The following TAFA2 variants were observed in gnomAD, a reference collection of about 807,000 sequenced individuals.
The protein encoded by TAFA2 is chemokine-like protein TAFA-2.
TAFA2 carries 7 observed loss-of-function variants against 18.8 expected under a neutral mutation model. That is an observed-to-expected ratio of 0.37 (90% CI 0.21 to 0.70). The LOEUF is 0.70. TAFA2 is among the 30% of genes least tolerant of loss of function. TAFA2 has a pLI of 0.53. For missense variants in TAFA2, 122 were observed against 158.1 expected (o/e 0.77, Z 1.23); for synonymous variants, 60 against 54.2 (o/e 1.11, Z -0.47).
chr12:62,179,252 A>C (rs2062535806), intron 1 of TAFA2, among the ~76,000 whole-genome samples: 1 of 152,202 alleles, frequency 6.6e-6, no homozygotes, highest in South Asian at 2.1e-4. Flanking sequence ...ATTATGACAC[A>C]TTCCTCAACC....
At chr12:62,006,171 G>A (rs1227119355) in intron 1 of TAFA2, among the ~76,000 whole-genome samples, 3 of 152,088 alleles carry the variant, frequency 2.0e-5, no homozygotes, top group African/African-American at 7.2e-5. Context: ...TTTCCATTTT[G>A]ATGATACTTT....
At chr12:61,850,327 G>C (rs551134326) in intron 2 of TAFA2, among the ~76,000 whole-genome samples, 1 of 151,710 alleles carries the variant, frequency 6.6e-6, no homozygotes, top group Non-Finnish European at 1.5e-5. Flanking sequence ...CCTTTAAGGG[G>C]ATGATCAGTC....
chr12:62,028,854 C>T (rs979202002), intron 1 of TAFA2, among the ~76,000 whole-genome samples: 2 of 152,130 alleles, frequency 1.3e-5, no homozygotes, highest in African/African-American at 2.4e-5. Context: ...AAACTATAGT[C>T]CAAACTACTT....
chr12:61,893,636 A>G (rs1405419815), intron 1 of TAFA2, among the ~76,000 whole-genome samples: 1 of 152,192 alleles, frequency 6.6e-6, no homozygotes, highest in African/African-American at 2.4e-5. Context: ...GAAAGAACAT[A>G]GTGAATATGA....
Position 61,997,167 on chromosome 12 carries a change from A to ATGTGTGTGTGTGTG in TAFA2, c.-1-129755_-1-129742dup, listed in dbSNP as rs35419865. Among the ~76,000 whole-genome samples, 1,328 of 145,500 alleles carry ATGTGTGTGTGTGTG rather than the reference A, an allele frequency of 9.1e-3. 22 individuals carry two copies. The highest frequency in any genetic ancestry group is 0.051 in the East Asian group (249 of 4,908). On this transcript the variant is annotated intron_variant, in intron 1 of 4. Transcript: ENST00000416284. ...GATACATACTAGACTATATGTATATATGTGTGTGTGTGTGTGTGTGTGTGT... is the reference window on the plus strand; with the variant it reads ...GATACATACTAGACTATATGTATATATGTGTGTGTGTGTGTGTGTGTGTGTGTGTGTGTGTGTGT...
In TAFA2 at chr12:61,930,654, A is replaced by G. The variant is rs112300563; in HGVS notation, c.-1-63228T>C. 1.1e-4 allele frequency among the ~76,000 whole-genome samples: 17 copies of G among 152,336 alleles called. 1 individual carries two copies. Among genetic ancestry groups the G allele is most frequent in the African/African-American group, 4.1e-4 (17 of 41,570 alleles). On this transcript the variant is annotated intron_variant, in intron 1 of 4. Coordinates refer to ENST00000416284, the MANE Select transcript of TAFA2 (RefSeq NM_178539.5). ...TCCATTTAATAGAGCAACCATTTATATATTACTTTAGGACATTAGACTCGG... is the reference window on the plus strand; with the variant it reads ...TCCATTTAATAGAGCAACCATTTATGTATTACTTTAGGACATTAGACTCGG...
rs75890695 is a variant in TAFA2, at chr12:61,915,917, C to G, written c.-1-48491G>C. On this transcript the variant is annotated intron_variant, in intron 1 of 4. Transcript: ENST00000416284. Reference sequence around the variant, plus strand: ...TTCCAGAAACAGCCTCACAGACATACCCAGAAACAATGTTTTACCAACTAG... The same window carrying G: ...TTCCAGAAACAGCCTCACAGACATAGCCAGAAACAATGTTTTACCAACTAG... 1.0e-2 allele frequency among the ~76,000 whole-genome samples: 1,517 copies of G among 152,264 alleles called. 40 individuals are homozygous for G. Among genetic ancestry groups the G allele is most frequent in the African/African-American group, 0.034 (1,428 of 41,540 alleles).
intron 1 of TAFA2, among the ~76,000 whole-genome samples, chr12:62,018,125 G>C (rs2136724124): frequency 6.6e-6 from 1 of 152,294 alleles, no homozygotes; most frequent in South Asian, 2.1e-4. Context: ...TGCAGTAAAT[G>C]AGTACTGAGC....
At chr12:62,215,882 T>C (rs759997455) in intron 1 of TAFA2, among the ~76,000 whole-genome samples, 21 of 152,060 alleles carry the variant, frequency 1.4e-4, no homozygotes, top group Non-Finnish European at 2.5e-4. Context: ...ATGGTTGTCA[T>C]GAGCATCAAA....
At chr12:62,089,358 C>G (rs1868610358) in intron 1 of TAFA2, among the ~76,000 whole-genome samples, 1 of 151,978 alleles carries the variant, frequency 6.6e-6, no homozygotes, top group African/African-American at 2.4e-5. Context: ...AATTTTCAGG[C>G]TATTTTAAGC....
intron 1 of TAFA2, among the ~76,000 whole-genome samples, chr12:62,020,315 T>G (rs931737852): frequency 6.6e-6 from 1 of 152,168 alleles, no homozygotes. Flanking sequence ...GAATATGCCC[T>G]CATTACAGCC....
intron 1 of TAFA2, among the ~76,000 whole-genome samples, chr12:62,166,283 G>T (rs535865523): frequency 6.6e-6 from 1 of 152,194 alleles, no homozygotes; most frequent in South Asian, 2.1e-4. Context: ...TGGCAATTTG[G>T]TATAACAATT....
intron 1 of TAFA2, among the ~76,000 whole-genome samples, chr12:62,047,127 T>C (rs574071714): frequency 1.3e-5 from 2 of 152,244 alleles, no homozygotes; most frequent in African/African-American, 2.4e-5. Flanking sequence ...ACAAGTGTAC[T>C]GATTTAATAA....
At chr12:62,019,348 T>A (rs950338046) in intron 1 of TAFA2, among the ~76,000 whole-genome samples, 3 of 151,094 alleles carry the variant, frequency 2.0e-5, no homozygotes, top group Non-Finnish European at 4.4e-5. Flanking sequence ...GGATTATAAA[T>A]CACGCTGCTA....
At chr12:61,782,352 T>A (rs1356316194) in intron 2 of TAFA2, among the ~76,000 whole-genome samples, 2 of 151,766 alleles carry the variant, frequency 1.3e-5, no homozygotes, top group African/African-American at 4.8e-5. Flanking sequence ...AAAATCTTGG[T>A]CCCCACAACC....
chr12:61,719,390 C>T (rs535942685), intron 4 of TAFA2, among the ~76,000 whole-genome samples: 1 of 152,170 alleles, frequency 6.6e-6, no homozygotes, highest in African/African-American at 2.4e-5. Context: ...GTTGTAGAAC[C>T]TAATATGGGT....
intron 1 of TAFA2, among the ~76,000 whole-genome samples, chr12:62,072,098 G>A (rs1464158150): frequency 1.3e-5 from 2 of 152,114 alleles, no homozygotes; most frequent in African/African-American, 4.8e-5. Flanking sequence ...GAGAAAGATA[G>A]GTAAAGTAAA....
At chr12:62,238,339 T>C (rs560108761) in intron 1 of TAFA2, among the ~76,000 whole-genome samples, 1 of 152,346 alleles carries the variant, frequency 6.6e-6, no homozygotes, top group South Asian at 2.1e-4. Context: ...GATATTTGTT[T>C]TCAATTTTCC....
At chr12:61,911,006 G>C (rs1399998706) in intron 1 of TAFA2, among the ~76,000 whole-genome samples, 1 of 152,138 alleles carries the variant, frequency 6.6e-6, no homozygotes, top group African/African-American at 2.4e-5. Flanking sequence ...CTCGTTCCCT[G>C]CATGGCTGAA....
Sources: gnomAD v4.1 joint callset for allele counts (sites outside exome capture counted in the v4.1 genomes callset) on GRCh38, gnomAD v4.1.1 for gene constraint, MANE v1.5 for transcripts, NCBI Gene and HGNC (gene_info 2026-07-23, HGNC 2026-07-21) for gene names.